The following FAM110B variants were observed in gnomAD, a reference collection of about 807,000 sequenced individuals.
FAM110B encodes the protein family with sequence similarity 110 member B, also known as protein FAM110B.
A neutral mutation model predicts 20.4 loss-of-function variants in FAM110B; 6 were observed. That is an observed-to-expected ratio of 0.29 (90% CI 0.16 to 0.58). FAM110B has a LOEUF of 0.58. Among genes scored for constraint, FAM110B ranks in the 20% least tolerant of loss-of-function variants. The probability of loss-of-function intolerance (pLI) is 0.90; values close to 1 mark genes in which losing one functional copy is unlikely to be tolerated. For synonymous variants in FAM110B, 226 were observed against 214.1 expected (o/e 1.06, Z -0.49); for missense variants, 434 against 498.2 (o/e 0.87, Z 1.23).
chr8:58,083,635 A>G (rs570649803), intron 3 of FAM110B, among the ~76,000 whole-genome samples: 1 of 151,972 alleles, frequency 6.6e-6, no homozygotes, highest in Non-Finnish European at 1.5e-5. Flanking sequence ...AAAAGCCCAC[A>G]CTCCAGGGCC....
chr8:58,072,568 G>GGAGAC (rs1476698452), intron 2 of FAM110B, among the ~76,000 whole-genome samples: 1 of 152,110 alleles, frequency 6.6e-6, no homozygotes, highest in Non-Finnish European at 1.5e-5. Context: ...ACTAAATTAA[G>GGAGAC]GAGACTCTTT....
intron 3 of FAM110B, among the ~76,000 whole-genome samples, chr8:58,092,487 C>T (rs1806507266): frequency 6.6e-6 from 1 of 152,186 alleles, no homozygotes; most frequent in African/African-American, 2.4e-5. Context: ...TAAGCGAGAA[C>T]ATGCGGTGTT....
intron 3 of FAM110B, among the ~76,000 whole-genome samples, chr8:58,086,908 C>T (rs988091492): frequency 1.3e-5 from 2 of 152,222 alleles, no homozygotes; most frequent in African/African-American, 4.8e-5. Context: ...TTGGCATTCA[C>T]CAGGCACTTC....
rs182402257 is a variant in FAM110B at position 58,078,589 on chromosome 8, C to T, written c.-325+2966C>T. On this transcript the variant is annotated intron_variant, in intron 3 of 3. Coordinates refer to ENST00000519262, the MANE Select transcript of FAM110B (RefSeq NM_001377989.1). ...TTTTTGAGACAGAGTCTGGCTCTGTCACCCAGGCTGGAGTGCAGTGGTGCG... is the reference window on the plus strand; with the variant it reads ...TTTTTGAGACAGAGTCTGGCTCTGTTACCCAGGCTGGAGTGCAGTGGTGCG... Among the ~76,000 whole-genome samples, 946 of 126,416 alleles carry T rather than the reference C, an allele frequency of 7.5e-3. 19 individuals are homozygous for T. The highest frequency in any genetic ancestry group is 0.027 in the African/African-American group (894 of 32,808). The allele number at this position is 126,416 out of a possible 152,430, so 82.9% of individuals were successfully genotyped here.
intron 2 of FAM110B, among the ~76,000 whole-genome samples, chr8:58,036,472 C>T (rs937521252): frequency 5.3e-5 from 8 of 152,200 alleles, no homozygotes; most frequent in African/African-American, 1.7e-4. Flanking sequence ...TTAAAAATCA[C>T]TGACTTTTTA....
intron 3 of FAM110B, among the ~76,000 whole-genome samples, chr8:58,092,325 C>T (rs1806502311): frequency 6.6e-6 from 1 of 152,028 alleles, no homozygotes; most frequent in Admixed American, 6.6e-5. Flanking sequence ...ACACATGTGC[C>T]ATGGTGGTTT....
chr8:58,040,935 C>CTTTTTTTTTTTTTTTTTTTTTTTTTTTT (rs60228265), intron 2 of FAM110B, among the ~76,000 whole-genome samples: 1 of 97,348 alleles, frequency 1.0e-5, no homozygotes. Context: ...ATGGGAAAAT[C>CTTTTTTTTTTTTTTTTTTTTTTTTTTTT]TTTTTTTTTT....
Position 58,050,775 on chromosome 8 carries a change from CCTGCCAATCA to C in FAM110B, c.-414+19074_-414+19083del, listed in dbSNP as rs1299981512. The stretch of plus-strand genomic sequence containing the variant: ...TATCTTGAGGTCACTGTGCCACATA[CCTGCCAATCA>C]CGGGAGTCAAATCCATGGTATTTAC... On this transcript the variant is annotated intron_variant, in intron 2 of 3. Coordinates refer to ENST00000519262, the MANE Select transcript of FAM110B (RefSeq NM_001377989.1). Among the ~76,000 whole-genome samples the C allele has an allele frequency of 5.3e-5, 8 of 152,010 alleles. No homozygotes were observed. In the East Asian group the frequency reaches 1.5e-3, roughly 29 times the overall value.
intron 3 of FAM110B, among the ~76,000 whole-genome samples, chr8:58,106,491 A>T (rs547714137): frequency 6.6e-6 from 1 of 152,214 alleles, no homozygotes; most frequent in African/African-American, 2.4e-5. Flanking sequence ...AGAATCAAGC[A>T]TGTGTAGAAG....
chr8:58,118,281 T>C (rs1301884849), intron 3 of FAM110B, among the ~76,000 whole-genome samples: 1 of 152,224 alleles, frequency 6.6e-6, no homozygotes, highest in Non-Finnish European at 1.5e-5. Context: ...GAAATGCCAA[T>C]GCAGATTGAT....
At position 58,082,152 on chromosome 8, in the gene FAM110B, T is replaced by A. The variant is rs151057518; in HGVS notation, c.-325+6529T>A. Among the ~76,000 whole-genome samples, 354 of 152,314 alleles carry A rather than the reference T, an allele frequency of 2.3e-3. 4 individuals are homozygous for A. The highest frequency in any genetic ancestry group is 0.021 in the Admixed American group (317 of 15,298). On this transcript the variant is annotated intron_variant, in intron 3 of 3. Transcript: ENST00000519262. ...GCAGCATCAGCGCTATTCTATGGAC[T>A]GATTCACTTCCTGAAGAGGAATGAA...
In FAM110B at chr8:58,019,132, C is replaced by T. The variant is rs201404847; in HGVS notation, c.-511-12474C>T. 7.9e-5 allele frequency among the ~76,000 whole-genome samples: 12 copies of T among 151,824 alleles called. No individual in the cohort carries two copies. In the East Asian group the frequency reaches 1.4e-3, roughly 17 times the overall value. On this transcript the variant is annotated intron_variant, in intron 1 of 3. Coordinates refer to ENST00000519262, the MANE Select transcript of FAM110B (RefSeq NM_001377989.1). ...TGGGCAGATCACAAGGTCAAGAGAT[C>T]GAGACCATCCTGGCCAACGTGGTGA... is the stretch of plus-strand genomic sequence containing the variant.
At chr8:58,140,946 T>G (rs1803732351) in intron 3 of FAM110B, among the ~76,000 whole-genome samples, 1 of 152,252 alleles carries the variant, frequency 6.6e-6, no homozygotes, top group African/African-American at 2.4e-5. Context: ...AGGATTTTTC[T>G]ACGTCTTACA....
chr8:58,072,000 C>A (rs183768850), intron 2 of FAM110B, among the ~76,000 whole-genome samples: 1 of 152,298 alleles, frequency 6.6e-6, no homozygotes, highest in Non-Finnish European at 1.5e-5. Context: ...AGGCTCCTCT[C>A]TCGTTTCCCT....
Position 58,146,301 on chromosome 8 carries a change from C to T in FAM110B, c.71C>T (p.Ala24Val). The T allele has an allele frequency of 6.2e-7, 1 of 1,613,952 alleles. No homozygotes were observed. The highest frequency in any genetic ancestry group is 8.5e-7 in the Non-Finnish European group (1 of 1,179,986). ...AGCCCCGCGGGCACCTTCACCTCTGCTGTGCCCCTGCGCATCCTGAACAAG... is the reference window on the plus strand; with the variant it reads ...AGCCCCGCGGGCACCTTCACCTCTGTTGTGCCCCTGCGCATCCTGAACAAG... Reference protein sequence around the residue: ...PVSPAGTFTSAVPLRILNKGP... With the variant: ...PVSPAGTFTSVVPLRILNKGP... Residue 24 changes from alanine (A) to valine (V), a missense_variant, in exon 4 of 4, where the codon GCT becomes GTT. By Grantham distance (64) the Ala-to-Val change is moderately conservative. Around this residue, in one of 3 missense-constraint regions of FAM110B, gnomAD observed 56 missense variants for 82.1 expected, o/e 0.68. Coordinates refer to ENST00000519262, the MANE Select transcript of FAM110B (RefSeq NM_001377989.1).
chr8:58,017,849 C>A (rs1160591707), intron 1 of FAM110B, among the ~76,000 whole-genome samples: 1 of 152,070 alleles, frequency 6.6e-6, no homozygotes, highest in East Asian at 1.9e-4. Context: ...CTGAGAAATA[C>A]CTGAACACAA....
chr8:58,120,356 A>G (rs558128107), intron 3 of FAM110B, among the ~76,000 whole-genome samples: 9 of 152,144 alleles, frequency 5.9e-5, no homozygotes, highest in Non-Finnish European at 1.3e-4. Context: ...CGTCTGAATT[A>G]TCCACTGAAT....
intron 1 of FAM110B, among the ~76,000 whole-genome samples, chr8:58,006,259 A>G (rs1804398882): frequency 6.6e-6 from 1 of 152,176 alleles, no homozygotes; most frequent in African/African-American, 2.4e-5. Flanking sequence ...AAAACTTAAT[A>G]ATTTCTCTGA....
At chr8:58,042,181 CAT>C (rs1486753013) in intron 2 of FAM110B, among the ~76,000 whole-genome samples, 4 of 152,308 alleles carry the variant, frequency 2.6e-5, no homozygotes, top group African/African-American at 4.8e-5. Context: ...AGATTCCACA[CAT>C]GTGATCTAGT....
Sources: gnomAD v4.1 joint callset for allele counts (sites outside exome capture counted in the v4.1 genomes callset) on GRCh38, gnomAD v4.1.1 for gene constraint, gnomAD v4.1.1 regional missense constraint, MANE v1.5 for transcripts, NCBI Gene and HGNC (gene_info 2026-07-23, HGNC 2026-07-21) for gene names.